Variants in SNTB1 observed in about 807,000 individuals in gnomAD.
The protein encoded by SNTB1 is beta-1-syntrophin.
In SNTB1, 36 loss-of-function variants were observed where a neutral mutation model predicts 48.9. The ratio of observed to expected loss-of-function variants is 0.74; its 90% CI spans 0.56 to 0.97. The LOEUF (loss-of-function observed/expected upper bound fraction) is 0.97. Ranked by LOEUF, SNTB1 falls within the 50% of genes least tolerant of loss-of-function variation. The pLI is 0.00. For missense variants in SNTB1, 786 were observed against 703.4 expected (o/e 1.12, Z -1.33); for synonymous variants, 299 against 294.6 (o/e 1.01, Z -0.15).
chr8:120,748,071 C>T (rs1023674485), intron 1 of SNTB1, among the ~76,000 whole-genome samples: 2 of 152,128 alleles, frequency 1.3e-5, no homozygotes, highest in African/African-American at 4.8e-5. Flanking sequence ...TGTTTGATGC[C>T]TGCTAAAGAA....
chr8:120,656,815 A>G (rs1817510504), intron 2 of SNTB1, among the ~76,000 whole-genome samples: 1 of 152,238 alleles, frequency 6.6e-6, no homozygotes, highest in Non-Finnish European at 1.5e-5. Flanking sequence ...ATTTTTTAGC[A>G]TTAGTATGTC....
chr8:120,760,898 T>C (rs1047784238), intron 1 of SNTB1, among the ~76,000 whole-genome samples: 2 of 152,044 alleles, frequency 1.3e-5, no homozygotes, highest in Non-Finnish European at 2.9e-5. Flanking sequence ...ATATTTAAAA[T>C]TTTTTCTGCA....
chr8:120,718,136 G>T (rs1818595060), intron 1 of SNTB1, among the ~76,000 whole-genome samples: 1 of 152,234 alleles, frequency 6.6e-6, no homozygotes, highest in Admixed American at 6.5e-5. Context: ...TTGTCTAATT[G>T]GTGTGATGGC....
rs377001179 is a variant in SNTB1, at chr8:120,700,860, G to A, written c.572-6952C>T. The stretch of plus-strand genomic sequence containing the variant: ...AGACTGGTTTCTAAGGAGCCGGAAA[G>A]TCCGTCTGATGTGTTCAAGTTTTCT... On this transcript the variant is annotated intron_variant, in intron 1 of 6. Coordinates refer to ENST00000517992, the MANE Select transcript of SNTB1 (RefSeq NM_021021.4). Among the ~76,000 whole-genome samples, 14 of 152,288 alleles carry A rather than the reference G, an allele frequency of 9.2e-5. No homozygotes were observed. In the South Asian group the frequency reaches 2.9e-3, roughly 32 times the overall value.
intron 3 of SNTB1, among the ~76,000 whole-genome samples, chr8:120,577,800 G>T (rs1815975463): frequency 6.6e-6 from 1 of 152,274 alleles, no homozygotes; most frequent in South Asian, 2.1e-4. Context: ...TGTGTCAAGT[G>T]GTATATGTAG....
At chr8:120,738,545 T>TTCCTTCCTTCC (rs1818987965) in intron 1 of SNTB1, among the ~76,000 whole-genome samples, 2 of 135,728 alleles carry the variant, frequency 1.5e-5, no homozygotes, top group African/African-American at 5.9e-5. Flanking sequence ...TCCTTCCTTC[T>TTCCTTCCTTCC]TTCCTTCCTT....
intron 1 of SNTB1, among the ~76,000 whole-genome samples, chr8:120,752,360 C>A (rs371883004): frequency 6.6e-6 from 1 of 152,072 alleles, no homozygotes; most frequent in African/African-American, 2.4e-5. Context: ...AGCACATGAA[C>A]ATCAATTTCC....
At chr8:120,779,824 G>A (rs1331952594) in intron 1 of SNTB1, among the ~76,000 whole-genome samples, 3 of 152,152 alleles carry the variant, frequency 2.0e-5, no homozygotes, top group Non-Finnish European at 4.4e-5. Context: ...TGTCACGTTT[G>A]AGAAATTTCT....
chr8:120,694,261 C>A (rs6990640), intron 1 of SNTB1, among the ~76,000 whole-genome samples: 1 of 151,820 alleles, frequency 6.6e-6, no homozygotes, highest in Non-Finnish European at 1.5e-5. Context: ...CTAAAAGATA[C>A]GTTATTCAAT....
rs71306893 is a variant in SNTB1 at position 120,564,564 on chromosome 8, G to GTTTTTTT, written c.1136+10515_1136+10521dup. On this transcript the variant is annotated intron_variant, in intron 4 of 6. Coordinates refer to ENST00000517992, the MANE Select transcript of SNTB1 (RefSeq NM_021021.4). Reference sequence around the variant, plus strand: ...CCCTGCAATAGATACTATTATTCTGGTTTTTTTTTTTTTTTTTTTTTGAGA... The same window carrying GTTTTTTT: ...CCCTGCAATAGATACTATTATTCTGGTTTTTTTTTTTTTTTTTTTTTTTTTTTTGAGA... Among the ~76,000 whole-genome samples the GTTTTTTT allele has an allele frequency of 1.8e-3, 150 of 84,188 alleles. 7 individuals are homozygous for GTTTTTTT. Among genetic ancestry groups the GTTTTTTT allele is most frequent in the Middle Eastern group, 0.013 (1 of 78 alleles). The allele number at this position is 84,188 out of a possible 152,430, so 55.2% of individuals were successfully genotyped here. A position where few individuals can be genotyped will look rare whatever the true frequency, so the allele number is the denominator to read the frequency against.
intron 1 of SNTB1, among the ~76,000 whole-genome samples, chr8:120,697,149 C>A (rs1386238840): frequency 6.6e-6 from 1 of 152,182 alleles, no homozygotes; most frequent in Non-Finnish European, 1.5e-5. Flanking sequence ...TGGGAAGAAG[C>A]ATGGGGAGTA....
chr8:120,600,462 A>C (rs1358634149), intron 3 of SNTB1, among the ~76,000 whole-genome samples: 1 of 152,200 alleles, frequency 6.6e-6, no homozygotes, highest in Non-Finnish European at 1.5e-5. Context: ...TCCTGCTGAC[A>C]GAACATGGAG....
At chr8:120,557,237 A>G (rs1280342975) in intron 4 of SNTB1, among the ~76,000 whole-genome samples, 1 of 152,222 alleles carries the variant, frequency 6.6e-6, no homozygotes, top group Non-Finnish European at 1.5e-5. Context: ...GGAAGTGTTC[A>G]AGCATGGGTT....
intron 1 of SNTB1, among the ~76,000 whole-genome samples, chr8:120,704,164 C>A (rs1276728444): frequency 6.6e-6 from 1 of 152,164 alleles, no homozygotes; most frequent in Admixed American, 6.5e-5. Context: ...CTAAAAACAT[C>A]TTTTGGCTGA....
chr8:120,776,666 T>G (rs1488551882), intron 1 of SNTB1: 1 of 152,228 alleles, frequency 6.6e-6, no homozygotes, highest in African/African-American at 2.4e-5. Context: ...TGAGGCCTTT[T>G]ATGAATACAA....
chr8:120,723,786 TG>T (rs1818709129), intron 1 of SNTB1, among the ~76,000 whole-genome samples: 3 of 152,182 alleles, frequency 2.0e-5, no homozygotes, highest in Non-Finnish European at 4.4e-5. Flanking sequence ...ATAAAGAACA[TG>T]AAATGTGTTT....
At chr8:120,590,021 C>T (rs531812284) in intron 3 of SNTB1, among the ~76,000 whole-genome samples, 4 of 152,210 alleles carry the variant, frequency 2.6e-5, no homozygotes, top group African/African-American at 9.6e-5. Context: ...CTAACAATTC[C>T]AACACATCAG....
chr8:120,700,814 A>C (rs1818297819), intron 1 of SNTB1, among the ~76,000 whole-genome samples: 1 of 152,242 alleles, frequency 6.6e-6, no homozygotes, highest in African/African-American at 2.4e-5. Flanking sequence ...GCTTTAGGCA[A>C]ATCCAATCAA....
chr8:120,811,187 G>T (rs1261564556), intron 1 of SNTB1, 86 bp downstream of exon 1: 1 of 1,491,546 alleles, frequency 6.7e-7, no homozygotes, highest in East Asian at 2.3e-5. Context: ...GCATGTGGCC[G>T]AGTGAGTGTG....
Sources: allele counts gnomAD v4.1 joint callset (sites outside exome capture counted in the v4.1 genomes callset), GRCh38; gene constraint gnomAD v4.1.1; transcripts MANE v1.5; gene names NCBI Gene and HGNC (gene_info 2026-07-23, HGNC 2026-07-21).